MEAF6: variants seen among roughly 807,000 people sequenced by gnomAD.
MEAF6 encodes chromatin modification-related protein MEAF6.
A neutral mutation model predicts 28.9 loss-of-function variants in MEAF6; 15 were observed. That is an observed-to-expected ratio of 0.52 (90% CI 0.35 to 0.80). The LOEUF (loss-of-function observed/expected upper bound fraction) is 0.80, where lower values mean the gene tolerates loss of function less well. Among genes scored for constraint, MEAF6 ranks in the 30% least tolerant of loss-of-function variants. The probability of loss-of-function intolerance (pLI) is 0.01; values close to 1 mark genes in which losing one functional copy is unlikely to be tolerated. For synonymous variants in MEAF6, 97 were observed against 88.7 expected (o/e 1.09, Z -0.53); for missense variants, 178 against 237.5 (o/e 0.75, Z 1.65).
intron 5 of MEAF6, among the ~76,000 whole-genome samples, chr1:37,497,256 G>C (rs1642153848): frequency 6.6e-6 from 1 of 151,386 alleles, no homozygotes; most frequent in East Asian, 1.9e-4. Flanking sequence ...TTGTTTGTTT[G>C]AAACGGAGTC....
chr1:37,496,303 C>T (rs1642127753), intron 5 of MEAF6, among the ~76,000 whole-genome samples: 1 of 152,162 alleles, frequency 6.6e-6, no homozygotes, highest in Non-Finnish European at 1.5e-5. Context: ...TGATTAACAA[C>T]AGGAAAGAGA....
rs1557600681 is a variant in MEAF6, at chr1:37,491,468, T to C, written c.*2631A>G. Among the ~76,000 whole-genome samples the C allele has an allele frequency of 1.3e-5, 2 of 152,162 alleles. No individual in the cohort carries two copies. Among genetic ancestry groups the C allele is most frequent in the East Asian group, 3.8e-4 (2 of 5,200 alleles). ...CTTTGGGAGGCCAAGGCAGAAGGAC[T>C]GCTTGAGGCCAGGAGGACTGCTTGA... On this transcript the variant is annotated 3_prime_UTR_variant, in exon 7 of 7. Transcript: ENST00000296214.
chr1:37,495,255 T>G (rs554554192), intron 6 of MEAF6, among the ~76,000 whole-genome samples: 1 of 151,622 alleles, frequency 6.6e-6, no homozygotes, highest in South Asian at 2.1e-4. Context: ...CACTTGAACC[T>G]GGGAGGCGGA....
chr1:37,493,609 A>G lies in MEAF6; in HGVS notation c.*490T>C. On this transcript the variant is annotated 3_prime_UTR_variant, in exon 7 of 7. Coordinates refer to ENST00000296214, the MANE Select transcript of MEAF6 (RefSeq NM_001270875.3). ...AGTATGAGCTGTACAAAGGCATTAC[A>G]AAAAAACCCCAAAGAAAATAAGATA... is the stretch of plus-strand genomic sequence containing the variant. 1 of 712,866 alleles carries G rather than the reference A, an allele frequency of 1.4e-6. No individual in the cohort carries two copies. The highest frequency in any genetic ancestry group is 2.4e-6 in the Non-Finnish European group (1 of 416,618). 44.2% of individuals were successfully genotyped at this position (712,866 alleles called of 1,614,324 possible).
intron 4 of MEAF6, among the ~76,000 whole-genome samples, chr1:37,508,698 G>C (rs1018751315): frequency 6.6e-6 from 1 of 152,170 alleles, no homozygotes; most frequent in African/African-American, 2.4e-5. Context: ...GAATTTATAA[G>C]ATTTATCAGT....
chr1:37,499,789 T>C (rs1393618644), intron 5 of MEAF6, among the ~76,000 whole-genome samples: 1 of 152,180 alleles, frequency 6.6e-6, no homozygotes, highest in East Asian at 1.9e-4. Context: ...ATTGTTCCTA[T>C]GGAAATGTGC....
chr1:37,496,648 A>C, intron 5 of MEAF6: 1 of 1,547,110 alleles, frequency 6.5e-7, no homozygotes. Flanking sequence ...GGTCTCAAAA[A>C]GGCATACTGG....
chr1:37,511,172 A>G (rs959763746), intron 2 of MEAF6, among the ~76,000 whole-genome samples: 1 of 152,236 alleles, frequency 6.6e-6, no homozygotes, highest in Non-Finnish European at 1.5e-5. Context: ...CAAAAAATGC[A>G]AAAGGTAAGT....
At chr1:37,507,259 G>A (rs1461742868) in intron 4 of MEAF6, among the ~76,000 whole-genome samples, 9 of 151,982 alleles carry the variant, frequency 5.9e-5, no homozygotes, top group African/African-American at 2.2e-4. Context: ...GGCGGAGGTG[G>A]CAGTGAGCCG....
chr1:37,507,416 C>T (rs1642521882), intron 4 of MEAF6, among the ~76,000 whole-genome samples: 1 of 145,900 alleles, frequency 6.9e-6, no homozygotes, highest in Non-Finnish European at 1.5e-5. Flanking sequence ...TTTAGCTCTA[C>T]ATTCTAGAGT....
intron 2 of MEAF6, among the ~76,000 whole-genome samples, chr1:37,512,876 C>T (rs145550418): frequency 1.3e-4 from 20 of 151,864 alleles, no homozygotes; most frequent in Non-Finnish European, 2.4e-4. Flanking sequence ...TGGACAACAG[C>T]GTGAGACCCT....
At chr1:37,510,700 G>A (rs1461573700) in intron 2 of MEAF6, among the ~76,000 whole-genome samples, 2 of 148,878 alleles carry the variant, frequency 1.3e-5, no homozygotes, top group African/African-American at 2.5e-5. Context: ...ATTTTAATAC[G>A]TATCTATTTT....
intron 1 of MEAF6, 112 bp downstream of exon 1, chr1:37,514,545 C>T (rs894941150): frequency 2.6e-6 from 2 of 755,422 alleles, no homozygotes; most frequent in Non-Finnish European, 3.7e-6. Flanking sequence ...GCACCCGGCC[C>T]GCCGCGCCGC....
At chr1:37,504,826 CAT>C (rs1188283486) in intron 4 of MEAF6, among the ~76,000 whole-genome samples, 5 of 147,088 alleles carry the variant, frequency 3.4e-5, no homozygotes, top group South Asian at 2.2e-4. Context: ...CACACACACA[CAT>C]TATCTATTTC....
chr1:37,494,622 G>C (rs1302171448), intron 6 of MEAF6, among the ~76,000 whole-genome samples: 2 of 151,914 alleles, frequency 1.3e-5, no homozygotes, highest in African/African-American at 2.4e-5. Context: ...CTTGAGGTCA[G>C]GAGCTCGAGA....
rs1165315891 is a variant in MEAF6 at position 37,490,900 on chromosome 1, G to A, written c.*3199C>T. 6.6e-6 allele frequency among the ~76,000 whole-genome samples: 1 copy of A among 152,058 alleles called. No individual in the cohort carries two copies. Among genetic ancestry groups the A allele is most frequent in the African/African-American group, 2.4e-5 (1 of 41,394 alleles). ...AAACTAGCTGGGTGTGGTAGCACGCGCCTGTAGTCTCAGCTACTCGAGAGG... is the reference window on the plus strand; with the variant it reads ...AAACTAGCTGGGTGTGGTAGCACGCACCTGTAGTCTCAGCTACTCGAGAGG... On this transcript the variant is annotated 3_prime_UTR_variant, in exon 7 of 7. Coordinates refer to ENST00000296214, the MANE Select transcript of MEAF6 (RefSeq NM_001270875.3).
At position 37,490,178 on chromosome 1, in the gene MEAF6, G is replaced by A. The variant is rs1034087843; in HGVS notation, c.*3921C>T. 6.6e-6 allele frequency among the ~76,000 whole-genome samples: 1 copy of A among 150,782 alleles called. No individual in the cohort carries two copies. On this transcript the variant is annotated 3_prime_UTR_variant, in exon 7 of 7. Coordinates refer to ENST00000296214, the MANE Select transcript of MEAF6 (RefSeq NM_001270875.3). Reference sequence around the variant, plus strand: ...CCACCCCCACCCAGCCATCCTGTGTGCCCTCTTCCCCTTGGAGGCCACTGC... The same window carrying A: ...CCACCCCCACCCAGCCATCCTGTGTACCCTCTTCCCCTTGGAGGCCACTGC...
chr1:37,503,658 C>CAA lies in MEAF6; in HGVS notation c.341-1664_341-1663dup, dbSNP rs773565571. On this transcript the variant is annotated intron_variant, in intron 4 of 6. Transcript: ENST00000296214. ...CCTGGGCAACAGAGCAAGACTGTCT[C>CAA]AAAAAAAAAAAAAAAAAAAAAAAGG... 3.9e-3 allele frequency among the ~76,000 whole-genome samples: 181 copies of CAA among 46,880 alleles called. 1 individual carries two copies. Among genetic ancestry groups the CAA allele is most frequent in the African/African-American group, 6.1e-3 (73 of 12,054 alleles). The allele number at this position is 46,880 out of a possible 152,430, so 30.8% of individuals were successfully genotyped here. A position where few individuals can be genotyped will look rare whatever the true frequency, so the allele number is the denominator to read the frequency against.
Position 37,492,990 on chromosome 1 carries a change from C to T in MEAF6, c.*1109G>A, listed in dbSNP as rs1641989521. 1 of 152,218 alleles carries T rather than the reference C, an allele frequency of 6.6e-6. No homozygotes were observed. The highest frequency in any genetic ancestry group is 2.4e-5 in the African/African-American group (1 of 41,444). The allele number at this position is 152,218 out of a possible 1,614,324, so 9.4% of individuals were successfully genotyped here. On this transcript the variant is annotated 3_prime_UTR_variant, in exon 7 of 7. Transcript: ENST00000296214. ...ATTCCAATGTGCAGCCAGACCCTGT[C>T]GCAAGTTCACCACAGCACTAGAGGC...
Sources: gnomAD v4.1 joint callset for allele counts (sites outside exome capture counted in the v4.1 genomes callset) on GRCh38, gnomAD v4.1.1 for gene constraint, MANE v1.5 for transcripts, NCBI Gene and HGNC (gene_info 2026-07-23, HGNC 2026-07-21) for gene names.